Variants in HTRA3 observed in about 807,000 individuals in gnomAD.
HTRA3 encodes serine protease HTRA3.
In HTRA3, 41 loss-of-function variants were observed where a neutral mutation model predicts 43.2. That is an observed-to-expected ratio of 0.95 (90% CI 0.74 to 1.23). The LOEUF (loss-of-function observed/expected upper bound fraction) is 1.23. HTRA3 is among the 50% of genes most tolerant of loss of function. The pLI, the probability that HTRA3 is intolerant of heterozygous loss-of-function variation, is 0.00. For synonymous variants in HTRA3, 295 were observed against 287.9 expected, an observed-to-expected ratio of 1.02 and a Z score of -0.25; for missense variants, 628 against 647.1, an observed-to-expected ratio of 0.97 and a Z score of 0.32.
intron 1 of HTRA3, among the ~76,000 whole-genome samples, chr4:8,277,478 G>A (rs553401762): frequency 2.5e-4 from 38 of 152,310 alleles, no homozygotes; most frequent in African/African-American, 8.4e-4. Flanking sequence ...GGAAGGGTAC[G>A]AGGTGCTGTT....
intron 8 of HTRA3, among the ~76,000 whole-genome samples, chr4:8,304,643 G>GTTTTTTGTGTT (rs1560144611): frequency 1.6e-5 from 1 of 62,736 alleles, no homozygotes; most frequent in African/African-American, 6.8e-5. Context: ...TCAGCCTATT[G>GTTTTTTGTGTT]TTTTTTTTTT....
At chr4:8,289,527 G>A (rs1219605102) in intron 3 of HTRA3, among the ~76,000 whole-genome samples, 2 of 152,214 alleles carry the variant, frequency 1.3e-5, no homozygotes, top group East Asian at 1.9e-4. Flanking sequence ...GCAGAATGCT[G>A]GCAGGACTGG....
At chr4:8,292,425 G>A in intron 5 of HTRA3, 72 bp downstream of exon 5, 1 of 1,253,624 alleles carries the variant, frequency 8.0e-7, no homozygotes, top group East Asian at 2.3e-5. Context: ...TCAGCCTTGA[G>A]GTGGGACAGG....
intron 2 of HTRA3, among the ~76,000 whole-genome samples, chr4:8,283,076 C>T (rs887177616): frequency 4.0e-5 from 6 of 151,822 alleles, no homozygotes; most frequent in Admixed American, 6.6e-5. Flanking sequence ...GTGGCCGGAG[C>T]GGGGAGGAAT....
At chr4:8,293,996 C>A (rs941603864) in intron 5 of HTRA3, 91 bp from the exon 6 acceptor site, 1 of 808,534 alleles carries the variant, frequency 1.2e-6, no homozygotes, top group Non-Finnish European at 2.0e-6. Context: ...TGGGGTCAGC[C>A]TCTAGAAACA....
At chr4:8,288,927 T>TTCCTTCCG in intron 3 of HTRA3, among the ~76,000 whole-genome samples, 1 of 145,674 alleles carries the variant, frequency 6.9e-6, no homozygotes. Flanking sequence ...CCTTCCTTCC[T>TTCCTTCCG]TCCTTCCTCC....
At chr4:8,301,481 T>C (rs571956608) in intron 6 of HTRA3, among the ~76,000 whole-genome samples, 1 of 151,060 alleles carries the variant, frequency 6.6e-6, no homozygotes. Context: ...TGAGTCACAC[T>C]CTCAGCTTTA....
At chr4:8,282,170 G>A (rs1200864311) in intron 1 of HTRA3, among the ~76,000 whole-genome samples, 6 of 152,178 alleles carry the variant, frequency 3.9e-5, no homozygotes. Context: ...AGCCTAGCAG[G>A]GTCCAGTGAG....
At position 8,270,219 on chromosome 4, in the gene HTRA3, G is replaced by A. The variant is rs868067451; in HGVS notation, c.251G>A (p.Arg84His). The A allele has an allele frequency of 2.6e-6, 4 of 1,536,592 alleles. No individual in the cohort carries two copies. The Admixed American group carries it at 7.7e-5, about 30-fold the overall frequency. The change falls in exon 1 of 9, where the codon CGC (arginine) becomes CAC (histidine). Residue 84 changes from arginine to histidine, a missense_variant. Physicochemically the swap from Arg to His is conservative, Grantham distance 29. Transcript: ENST00000307358. ...TGCGTGCGCGGCCTATGCCGCTGCC[G>A]CTGGTCGCACGCCGTGTGTGGCACC... is the stretch of plus-strand genomic sequence containing the variant. ...LECVRGLCRC[R>H]WSHAVCGTDG...
intron 6 of HTRA3, among the ~76,000 whole-genome samples, chr4:8,298,191 C>T (rs535552173): frequency 2.6e-5 from 4 of 152,232 alleles, no homozygotes; most frequent in Non-Finnish European, 5.9e-5. Context: ...CGGCAGATCA[C>T]GTCTGGTGAT....
intron 1 of HTRA3, among the ~76,000 whole-genome samples, chr4:8,273,080 G>T (rs938648256): frequency 1.3e-5 from 2 of 152,234 alleles, no homozygotes; most frequent in African/African-American, 4.8e-5. Flanking sequence ...GCTGCTGGAG[G>T]CCAGGAAGGG....
intron 7 of HTRA3, 96 bp from the exon 8 acceptor site, chr4:8,304,088 C>G: frequency 2.1e-6 from 2 of 960,810 alleles, no homozygotes; most frequent in South Asian, 3.0e-5. Context: ...GGTGGCTCCT[C>G]TTCTGGTCTG....
Position 8,296,267 on chromosome 4 carries a change from C to A in HTRA3, c.1051+2066C>A. On this transcript the variant is annotated intron_variant, in intron 6 of 8. Transcript: ENST00000307358. The surrounding 1 kb of genome is among the most constrained non-coding windows in gnomAD (Gnocchi z 5.3). ...GCTCCTTTGTTGTACAGGGGCTGTC[C>A]CAGTTAGTGCTGACCTCATCCCAGA... is the stretch of plus-strand genomic sequence containing the variant. 1 of 985,570 alleles carries A rather than the reference C, an allele frequency of 1.0e-6. No homozygotes were observed. Among genetic ancestry groups the A allele is most frequent in the Non-Finnish European group, 1.2e-6 (1 of 830,076 alleles). The allele number at this position is 985,570 out of a possible 1,614,324, so 61.1% of individuals were successfully genotyped here.
intron 3 of HTRA3, among the ~76,000 whole-genome samples, chr4:8,288,574 CTTTTT>C (rs35966094): frequency 1.5e-5 from 2 of 132,556 alleles, no homozygotes; most frequent in Non-Finnish European, 3.2e-5. Context: ...CGTGCCTAGC[CTTTTT>C]TTTTTTTTTT....
intron 3 of HTRA3, among the ~76,000 whole-genome samples, chr4:8,287,069 C>T (rs1185606263): frequency 1.3e-5 from 2 of 152,238 alleles, no homozygotes; most frequent in Admixed American, 6.5e-5. Context: ...TCACACCCCA[C>T]GGAGGCTCTT....
intron 2 of HTRA3, among the ~76,000 whole-genome samples, chr4:8,284,783 C>T (rs966454291): frequency 6.6e-6 from 1 of 152,174 alleles, no homozygotes; most frequent in Non-Finnish European, 1.5e-5. Flanking sequence ...TTTGCCTGCC[C>T]GCCTGACCTA....
intron 1 of HTRA3, among the ~76,000 whole-genome samples, chr4:8,270,802 G>C (rs1712239024): frequency 1.3e-5 from 2 of 152,188 alleles, no homozygotes; most frequent in African/African-American, 4.8e-5. Context: ...ACAGGACTGT[G>C]TGGGAAGGGT....
In HTRA3 at chr4:8,304,169, G is replaced by T. The variant is rs1713754377; in HGVS notation, c.1101-15G>T. ...AAGGCTCAGGGGAGGGGCCTTGACG[G>T]CAGACTCTTTCCAGCCTGGTGGATG... On this transcript the variant is annotated splice_polypyrimidine_tract_variant and intron_variant, in intron 7 of 8. Coordinates refer to ENST00000307358, the MANE Select transcript of HTRA3 (RefSeq NM_053044.5). 1 of 1,609,930 alleles carries T rather than the reference G, an allele frequency of 6.2e-7. No individual in the cohort carries two copies. Among genetic ancestry groups the T allele is most frequent in the Non-Finnish European group, 8.5e-7 (1 of 1,176,430 alleles).
intron 1 of HTRA3, among the ~76,000 whole-genome samples, chr4:8,274,720 G>A (rs1344439378): frequency 6.6e-6 from 1 of 152,234 alleles, no homozygotes; most frequent in Non-Finnish European, 1.5e-5. Context: ...GGCCTGTGTG[G>A]AGAAGGGTTT....
Sources: allele counts gnomAD v4.1 joint callset (sites outside exome capture counted in the v4.1 genomes callset), GRCh38; gene constraint gnomAD v4.1.1; non-coding constraint Gnocchi (gnomAD v3.1); transcripts MANE v1.5; gene names NCBI Gene and HGNC (gene_info 2026-07-23, HGNC 2026-07-21).